Variants in HMGB1 observed in about 807,000 individuals in gnomAD.
HMGB1 encodes high mobility group box 1.
For missense variants in HMGB1, 79 were observed against 253.5 expected (o/e 0.31, Z 4.67); for synonymous variants, 81 against 84.0 (o/e 0.96, Z 0.19).
Position 30,459,102 on chromosome 13 carries a change from G to GT in HMGB1, c.*2254dup, listed in dbSNP as rs1409135697. 4 of 152,092 alleles carry GT rather than the reference G, an allele frequency of 2.6e-5. No individual in the cohort carries two copies. Among genetic ancestry groups the GT allele is most frequent in the Admixed American group, 6.5e-5 (1 of 15,270 alleles). The allele number at this position is 152,092 out of a possible 1,614,324, so 9.4% of individuals were successfully genotyped here. A position where few individuals can be genotyped will look rare whatever the true frequency, so the allele number is the denominator to read the frequency against. On this transcript the variant is annotated 3_prime_UTR_variant, in exon 5 of 5. Transcript: ENST00000341423. Reference sequence around the variant, plus strand: ...CAAAGTCTTTAAACCCCACAGCACTGTAACTATCTTGGCATTAAAATAGTT... The same window carrying GT: ...CAAAGTCTTTAAACCCCACAGCACTGTTAACTATCTTGGCATTAAAATAGTT...
chr13:30,594,005 C>T (rs1469448636), intron 1 of HMGB1, among the ~76,000 whole-genome samples: 1 of 152,186 alleles, frequency 6.6e-6, no homozygotes, highest in African/African-American at 2.4e-5. Flanking sequence ...AAGTTGCTAA[C>T]TGTATTTCTT....
chr13:30,484,167 C>A (rs1480511973), intron 1 of HMGB1, among the ~76,000 whole-genome samples: 1 of 152,122 alleles, frequency 6.6e-6, no homozygotes, highest in Admixed American at 6.5e-5. Flanking sequence ...CTTGGTACCC[C>A]CCATCCCAGC....
At chr13:30,610,916 ATC>A (rs540113162) in intron 1 of HMGB1, among the ~76,000 whole-genome samples, 45 of 152,178 alleles carry the variant, frequency 3.0e-4, no homozygotes, top group Admixed American at 6.5e-4. Context: ...TAAAAAATGA[ATC>A]TGTTTTCATT....
At chr13:30,526,515 C>T in intron 1 of HMGB1, among the ~76,000 whole-genome samples, 1 of 138,908 alleles carries the variant, frequency 7.2e-6, no homozygotes, top group South Asian at 2.3e-4. Flanking sequence ...ATCATTTCAC[C>T]TCTGAGTCTG....
chr13:30,515,068 C>T (rs149445990), intron 1 of HMGB1, among the ~76,000 whole-genome samples: 185 of 152,278 alleles, frequency 1.2e-3, no homozygotes, highest in African/African-American at 4.0e-3. Flanking sequence ...AAAAGCAGAG[C>T]GCTGGAGGCA....
chr13:30,580,938 C>T (rs1870873169), intron 1 of HMGB1, among the ~76,000 whole-genome samples: 1 of 152,120 alleles, frequency 6.6e-6, no homozygotes, highest in South Asian at 2.1e-4. Context: ...GGCCATTCTT[C>T]CTACTGGGCA....
chr13:30,579,019 GTTA>G (rs1206288050), intron 1 of HMGB1, among the ~76,000 whole-genome samples: 1 of 152,184 alleles, frequency 6.6e-6, no homozygotes, highest in Non-Finnish European at 1.5e-5. Flanking sequence ...CTTACCACAA[GTTA>G]TTATAATTTT....
Position 30,528,116 on chromosome 13 carries a change from G to A in HMGB1, c.-14-64422C>T, listed in dbSNP as rs181741269. Among the ~76,000 whole-genome samples the A allele has an allele frequency of 3.9e-5, 6 of 152,346 alleles. No homozygotes were observed. In the East Asian group the frequency reaches 9.6e-4, roughly 24 times the overall value. The stretch of plus-strand genomic sequence containing the variant: ...CAACCTGACCCAGAGCAGGGAACTC[G>A]GTGTGCTGCAGCGCCAGTGACCAGG... On this transcript the variant is annotated intron_variant, in intron 1 of 4. Coordinates refer to the HMGB1 transcript ENST00000405805.
In HMGB1 at chr13:30,460,740, T is replaced by TG. The variant is rs1886269385; in HGVS notation, c.*616dup. 1 of 153,650 alleles carries TG rather than the reference T, an allele frequency of 6.5e-6. No homozygotes were observed. The highest frequency in any genetic ancestry group is 2.4e-5 in the African/African-American group (1 of 41,484). 9.5% of individuals were successfully genotyped at this position (153,650 alleles called of 1,614,324 possible). A position where few individuals can be genotyped will look rare whatever the true frequency, so the allele number is the denominator to read the frequency against. On this transcript the variant is annotated 3_prime_UTR_variant, in exon 5 of 5. Transcript: ENST00000341423. ...TCTCAACTTAACTTTACCCCCATTA[T>TG]GATATGCAGGGTGTGTAGACAAAAG...
chr13:30,591,557 C>T (rs972427916), intron 1 of HMGB1, among the ~76,000 whole-genome samples: 2 of 150,046 alleles, frequency 1.3e-5, no homozygotes, highest in African/African-American at 4.9e-5. Context: ...GTCAGCCAGG[C>T]TGGAGTGCAG....
At chr13:30,474,661 T>C (rs1043689753) in intron 1 of HMGB1, among the ~76,000 whole-genome samples, 5 of 151,870 alleles carry the variant, frequency 3.3e-5, no homozygotes, top group African/African-American at 7.2e-5. Flanking sequence ...CTTAGCACTT[T>C]GGGAGGCCGA....
intron 1 of HMGB1, among the ~76,000 whole-genome samples, chr13:30,517,850 T>C (rs947365427): frequency 6.6e-6 from 1 of 152,136 alleles, no homozygotes; most frequent in Non-Finnish European, 1.5e-5. Context: ...GCTGGGACAA[T>C]CAATGTGAAA....
chr13:30,609,472 A>G (rs910279165), intron 1 of HMGB1, among the ~76,000 whole-genome samples: 1 of 152,198 alleles, frequency 6.6e-6, no homozygotes, highest in African/African-American at 2.4e-5. Flanking sequence ...GTCCACTTAT[A>G]AAATGGATTT....
chr13:30,506,356 T>C (rs1887866231), intron 1 of HMGB1, among the ~76,000 whole-genome samples: 2 of 152,214 alleles, frequency 1.3e-5, no homozygotes. Flanking sequence ...AACAGGAATC[T>C]GGCTGAGGAA....
At chr13:30,538,527 T>TCTTTC (rs1868606751) in intron 1 of HMGB1, among the ~76,000 whole-genome samples, 12 of 140,480 alleles carry the variant, frequency 8.5e-5, no homozygotes, top group African/African-American at 3.6e-4. Context: ...TTCTTTCCTT[T>TCTTTC]CTTTCTTTCC....
chr13:30,577,249 A>C (rs926419096), intron 1 of HMGB1, among the ~76,000 whole-genome samples: 1 of 149,978 alleles, frequency 6.7e-6, no homozygotes, highest in African/African-American at 2.4e-5. Flanking sequence ...CTGAGGCAGG[A>C]GGATGGCTTG....
rs190691024 is a variant in HMGB1 at position 30,573,634 on chromosome 13, A to G, written c.-15+43037T>C. 2.6e-3 allele frequency among the ~76,000 whole-genome samples: 388 copies of G among 152,124 alleles called. 1 individual carries two copies. Among genetic ancestry groups the G allele is most frequent in the Non-Finnish European group, 2.0e-3 (138 of 67,972 alleles). ...CTGGAGAGGAAAGAAAAGGAGTCAA[A>G]TGAATCTAGCATTTTCTTTTTTTTT... On this transcript the variant is annotated intron_variant, in intron 1 of 4. Coordinates refer to the HMGB1 transcript ENST00000405805.
Position 30,465,855 on chromosome 13 carries a change from C to A in HMGB1, c.-74G>T. 1.0e-6 allele frequency: 1 copy of A among 985,800 alleles called. No homozygotes were observed. The highest frequency in any genetic ancestry group is 1.2e-6 in the Non-Finnish European group (1 of 829,858). 61.1% of individuals were successfully genotyped at this position (985,800 alleles called of 1,614,324 possible). A position where few individuals can be genotyped will look rare whatever the true frequency, so the allele number is the denominator to read the frequency against. The stretch of plus-strand genomic sequence containing the variant: ...CGGCTCTCACTTGCCCCGGTGCTGT[C>A]TCTATGGAGCTCAATGTACTGCAAT... On this transcript the variant is annotated 5_prime_UTR_variant, in exon 1 of 5. Transcript: ENST00000341423.
intron 1 of HMGB1, among the ~76,000 whole-genome samples, chr13:30,507,441 C>G (rs190953322): frequency 4.5e-4 from 68 of 152,350 alleles, no homozygotes; most frequent in African/African-American, 1.6e-3. Context: ...TCACCACACT[C>G]TCTGGCACAA....
Sources: allele counts gnomAD v4.1 joint callset (sites outside exome capture counted in the v4.1 genomes callset), GRCh38; gene constraint gnomAD v4.1.1; transcripts MANE v1.5; gene names NCBI Gene and HGNC (gene_info 2026-07-23, HGNC 2026-07-21).